Variants in MALRD1 observed in about 807,000 individuals in gnomAD.
MALRD1 encodes the protein MAM and LDL-receptor class A domain-containing protein 1.
In MALRD1, 247 loss-of-function variants were observed where a neutral mutation model predicts 242.1. The observed-to-expected ratio is 1.02, with a 90% CI of 0.92 to 1.13. MALRD1 has a LOEUF of 1.13. MALRD1 is among the 50% of genes most tolerant of loss of function. The pLI is 0.00. For missense variants in MALRD1, 2,989 were observed against 2,533.1 expected, an observed-to-expected ratio of 1.18 and a Z score of -3.86; for synonymous variants, 995 against 866.6, an observed-to-expected ratio of 1.15 and a Z score of -2.60.
chr10:19,129,073 C>G (rs531440189), intron 8 of MALRD1, among the ~76,000 whole-genome samples: 3 of 152,200 alleles, frequency 2.0e-5, no homozygotes, highest in Middle Eastern at 3.4e-3. Context: ...CAATTCAGTT[C>G]TCTAGTGGAC....
intron 36 of MALRD1, among the ~76,000 whole-genome samples, chr10:19,618,750 A>C (rs2131617144): frequency 6.6e-6 from 1 of 152,178 alleles, no homozygotes; most frequent in African/African-American, 2.4e-5. Context: ...TTTACAATAA[A>C]GTGATAATCT....
intron 31 of MALRD1, among the ~76,000 whole-genome samples, chr10:19,506,223 G>C (rs889560364): frequency 6.6e-6 from 1 of 152,212 alleles, no homozygotes; most frequent in African/African-American, 2.4e-5. Context: ...CTAAGCAACA[G>C]AGGCTTTCAT....
intron 18 of MALRD1, among the ~76,000 whole-genome samples, chr10:19,244,298 C>T (rs532558232): frequency 1.3e-5 from 2 of 152,188 alleles, no homozygotes; most frequent in African/African-American, 4.8e-5. Context: ...AGTTGCTGGG[C>T]GTAGTGGCTG....
At chr10:19,698,340 T>G (rs2131839769) in intron 38 of MALRD1, among the ~76,000 whole-genome samples, 1 of 152,196 alleles carries the variant, frequency 6.6e-6, no homozygotes, top group East Asian at 1.9e-4. Context: ...GCTACACCCC[T>G]CAAATAAGAG....
chr10:19,205,680 A>G (rs1185906330), intron 17 of MALRD1, among the ~76,000 whole-genome samples: 1 of 152,090 alleles, frequency 6.6e-6, no homozygotes, highest in African/African-American at 2.4e-5. Flanking sequence ...AAGTCAAACC[A>G]TGTATCTAAA....
chr10:19,592,886 C>A (rs1027549129), intron 33 of MALRD1, among the ~76,000 whole-genome samples: 3 of 151,390 alleles, frequency 2.0e-5, no homozygotes, highest in African/African-American at 7.3e-5. Context: ...TAATACTTAG[C>A]TAAGTCATAG....
At chr10:19,329,423 A>G (rs966743135) in intron 23 of MALRD1, among the ~76,000 whole-genome samples, 26 of 146,236 alleles carry the variant, frequency 1.8e-4, no homozygotes, top group Non-Finnish European at 3.0e-4. Context: ...CCCCCCCCCA[A>G]TTTAAACAAA....
chr10:19,124,416 G>A, intron 6 of MALRD1, 108 bp from the exon 7 acceptor site: 1 of 926,044 alleles, frequency 1.1e-6, no homozygotes, highest in Non-Finnish European at 1.4e-6. Context: ...AGTGTGTGCT[G>A]ATGTGTATGT....
At chr10:19,730,477 T>A in intron 38 of MALRD1, 1 of 572,514 alleles carries the variant, frequency 1.7e-6, no homozygotes, top group Middle Eastern at 4.9e-4. Flanking sequence ...TATTTGGATC[T>A]AAACACTCAG....
chr10:19,680,064 G>A (rs1417418622), intron 36 of MALRD1, among the ~76,000 whole-genome samples: 1 of 152,100 alleles, frequency 6.6e-6, no homozygotes, highest in Non-Finnish European at 1.5e-5. Flanking sequence ...CCAATTATGT[G>A]ATCAATTTTA....
At chr10:19,556,226 T>A (rs1316133459) in intron 32 of MALRD1, among the ~76,000 whole-genome samples, 2 of 152,168 alleles carry the variant, frequency 1.3e-5, no homozygotes, top group South Asian at 2.1e-4. Context: ...CCAGTTTTCA[T>A]CCATCATTAA....
intron 33 of MALRD1, among the ~76,000 whole-genome samples, chr10:19,581,017 C>A (rs1424031274): frequency 6.6e-6 from 1 of 151,930 alleles, no homozygotes. Context: ...TCAAATTATT[C>A]TTTTCTCTTT....
chr10:19,231,984 A>G (rs184493745), intron 18 of MALRD1, among the ~76,000 whole-genome samples: 26 of 152,242 alleles, frequency 1.7e-4, no homozygotes, highest in African/African-American at 6.0e-4. Flanking sequence ...AATCTTTCCA[A>G]ATCTCTAAAA....
intron 32 of MALRD1, among the ~76,000 whole-genome samples, chr10:19,543,255 T>C (rs76696324): frequency 0.019 from 2,871 of 149,454 alleles, 107 homozygotes; most frequent in African/African-American, 0.068. Context: ...AGCTGATTTT[T>C]CGTTTTTGTT....
intron 21 of MALRD1, among the ~76,000 whole-genome samples, chr10:19,286,160 C>G (rs982417371): frequency 1.8e-4 from 26 of 143,026 alleles, no homozygotes; most frequent in Non-Finnish European, 3.3e-4. Context: ...TGGGCTGAGA[C>G]GATGGGGTTT....
intron 28 of MALRD1, among the ~76,000 whole-genome samples, chr10:19,447,841 T>C (rs1259940406): frequency 6.6e-6 from 1 of 152,156 alleles, no homozygotes; most frequent in Non-Finnish European, 1.5e-5. Flanking sequence ...GGACTTATCT[T>C]CTTTAGTCAT....
chr10:19,479,112 G>A (rs538313738), intron 29 of MALRD1, among the ~76,000 whole-genome samples: 69 of 152,294 alleles, frequency 4.5e-4, no homozygotes, highest in African/African-American at 1.3e-3. Context: ...TCACTCAAAA[G>A]ATATCTAGGT....
chr10:19,147,187 C>G (rs1439189739), intron 11 of MALRD1, among the ~76,000 whole-genome samples: 1 of 152,170 alleles, frequency 6.6e-6, no homozygotes, highest in East Asian at 1.9e-4. Flanking sequence ...TGTACTTGTA[C>G]TGTAGATCAT....
chr10:19,704,053 A>C (rs1233174411), intron 38 of MALRD1, among the ~76,000 whole-genome samples: 1 of 152,220 alleles, frequency 6.6e-6, no homozygotes, highest in Non-Finnish European at 1.5e-5. Context: ...AATGTTTACT[A>C]TTCAGCATTG....
Sources: gnomAD v4.1 joint callset for allele counts (sites outside exome capture counted in the v4.1 genomes callset) on GRCh38, gnomAD v4.1.1 for gene constraint, MANE v1.5 for transcripts, NCBI Gene and HGNC (gene_info 2026-07-23, HGNC 2026-07-21) for gene names.